NELL1: variants seen among roughly 807,000 people sequenced by gnomAD.
NELL1 encodes the protein protein kinase C-binding protein NELL1.
Under a neutral mutation model 107.4 loss-of-function variants are expected in NELL1, and 76 were observed. The observed-to-expected ratio is 0.71, with a 90% confidence interval of 0.59 to 0.86. NELL1 has a LOEUF of 0.86. Ranked by LOEUF, NELL1 falls within the 40% of genes least tolerant of loss-of-function variation. The probability of loss-of-function intolerance (pLI) is 0.00; values close to 1 mark genes in which losing one functional copy is unlikely to be tolerated. For missense variants in NELL1, 1,024 were observed against 1,005.5 expected, an observed-to-expected ratio of 1.02 and a Z score of -0.25; for synonymous variants, 353 against 341.2, an observed-to-expected ratio of 1.03 and a Z score of -0.38.
At chr11:21,508,343 C>T (rs1410239553) in intron 15 of NELL1, among the ~76,000 whole-genome samples, 1 of 151,504 alleles carries the variant, frequency 6.6e-6, no homozygotes, top group Non-Finnish European at 1.5e-5. Context: ...AGATACACAA[C>T]AATTAAATTT....
At chr11:21,425,544 A>G (rs1852799148) in intron 15 of NELL1, among the ~76,000 whole-genome samples, 1 of 152,274 alleles carries the variant, frequency 6.6e-6, no homozygotes, top group Non-Finnish European at 1.5e-5. Context: ...ACAGAAGCAA[A>G]GGTCTGAGTG....
intron 12 of NELL1, among the ~76,000 whole-genome samples, chr11:21,008,371 A>G (rs1370713931): frequency 6.6e-6 from 1 of 152,152 alleles, no homozygotes. Context: ...TTATTTATTG[A>G]CTAAAATATC....
At chr11:21,513,446 G>C (rs967932155) in intron 15 of NELL1, among the ~76,000 whole-genome samples, 1 of 151,992 alleles carries the variant, frequency 6.6e-6, no homozygotes, top group African/African-American at 2.4e-5. Context: ...AAATACTTTT[G>C]CCAGACTATA....
At chr11:21,300,685 A>G (rs1293195504) in intron 14 of NELL1, among the ~76,000 whole-genome samples, 1 of 152,042 alleles carries the variant, frequency 6.6e-6, no homozygotes, top group Non-Finnish European at 1.5e-5. Flanking sequence ...TAATGACACA[A>G]TGCAGTTCAG....
chr11:21,387,376 C>G lies in NELL1; in HGVS notation c.1645+16428C>G, dbSNP rs142824174. Among the ~76,000 whole-genome samples the G allele has an allele frequency of 4.8e-3, 732 of 151,910 alleles. 7 individuals are homozygous for G. The highest frequency in any genetic ancestry group is 0.017 in the Middle Eastern group (5 of 294). ...CTCTTCCTCCCACTTGATGGTCACC[C>G]ACCATGAATGCAGAGATTTTTTTGT... is the stretch of plus-strand genomic sequence containing the variant. On this transcript the variant is annotated intron_variant, in intron 15 of 19. Coordinates refer to ENST00000357134, the MANE Select transcript of NELL1 (RefSeq NM_006157.5).
intron 12 of NELL1, among the ~76,000 whole-genome samples, chr11:21,043,760 G>A (rs1379715229): frequency 2.0e-5 from 3 of 152,120 alleles, no homozygotes; most frequent in Admixed American, 6.6e-5. Context: ...TATATTTATT[G>A]AAGTTAAATG....
chr11:21,059,343 G>T (rs1250672370), intron 12 of NELL1, among the ~76,000 whole-genome samples: 4 of 150,510 alleles, frequency 2.7e-5, no homozygotes, highest in African/African-American at 4.9e-5. Flanking sequence ...AACATTTGCT[G>T]CCTTTGCTGA....
chr11:21,043,560 A>G (rs1310681943), intron 12 of NELL1, among the ~76,000 whole-genome samples: 1 of 152,108 alleles, frequency 6.6e-6, no homozygotes, highest in Non-Finnish European at 1.5e-5. Flanking sequence ...GTAAGAGTTT[A>G]CTAGTAAAGG....
intron 12 of NELL1, among the ~76,000 whole-genome samples, chr11:21,110,650 T>A (rs113276273): frequency 6.6e-6 from 1 of 152,152 alleles, no homozygotes; most frequent in African/African-American, 2.4e-5. Flanking sequence ...CTGTGGCCCA[T>A]GGGCTGAAGA....
At chr11:21,353,782 TA>T (rs1403539276) in intron 14 of NELL1, among the ~76,000 whole-genome samples, 2 of 152,210 alleles carry the variant, frequency 1.3e-5, no homozygotes, top group Non-Finnish European at 2.9e-5. Flanking sequence ...AAATGATAAT[TA>T]ATAATTCTAA....
chr11:20,981,982 T>TC lies in NELL1; in HGVS notation c.1300+21422_1300+21423insC, dbSNP rs1851760652. ...TCTCTCTCTCTCTCTCTCTCTCTCT[T>TC]TCTCTCTCTTTCTCCTTCTGACTTT... On this transcript the variant is annotated intron_variant, in intron 12 of 19. Transcript: ENST00000357134. 8.7e-4 allele frequency among the ~76,000 whole-genome samples: 109 copies of TC among 125,356 alleles called. 1 individual carries two copies. The highest frequency in any genetic ancestry group is 3.4e-3 in the African/African-American group (107 of 31,706). 82.2% of individuals were successfully genotyped at this position (125,356 alleles called of 152,430 possible).
intron 2 of NELL1, among the ~76,000 whole-genome samples, chr11:20,741,280 G>T (rs752236034): frequency 6.6e-6 from 1 of 151,928 alleles, no homozygotes; most frequent in Non-Finnish European, 1.5e-5. Flanking sequence ...CTTAATCCAC[G>T]TCCCAAATAC....
At chr11:21,432,905 A>G (rs949438133) in intron 15 of NELL1, among the ~76,000 whole-genome samples, 10 of 152,152 alleles carry the variant, frequency 6.6e-5, no homozygotes, top group African/African-American at 2.4e-4. Context: ...AATATACACT[A>G]AATGATTGCT....
chr11:21,293,008 T>C (rs928067693), intron 14 of NELL1, among the ~76,000 whole-genome samples: 2 of 152,164 alleles, frequency 1.3e-5, no homozygotes, highest in African/African-American at 4.8e-5. Flanking sequence ...ATTCAGGACA[T>C]AGGCATGGGC....
intron 2 of NELL1, among the ~76,000 whole-genome samples, chr11:20,772,874 A>G (rs76351846): frequency 0.016 from 2,422 of 152,300 alleles, 60 homozygotes; most frequent in African/African-American, 0.054. Context: ...AACTTTTTGT[A>G]TCTCATCTGT....
chr11:21,244,489 A>G (rs1565128028), intron 14 of NELL1, among the ~76,000 whole-genome samples: 1 of 152,186 alleles, frequency 6.6e-6, no homozygotes, highest in Admixed American at 6.5e-5. Context: ...TAAAATCTCA[A>G]TGTAGACCAA....
At chr11:20,836,286 AC>A (rs1429335336) in intron 3 of NELL1, among the ~76,000 whole-genome samples, 1 of 147,640 alleles carries the variant, frequency 6.8e-6, no homozygotes, top group East Asian at 2.0e-4. Flanking sequence ...AAAAAAAAAA[AC>A]CCCAACAATA....
intron 13 of NELL1, among the ~76,000 whole-genome samples, chr11:21,204,013 C>T (rs1437787588): frequency 6.6e-6 from 1 of 152,090 alleles, no homozygotes; most frequent in Non-Finnish European, 1.5e-5. Context: ...TTGTGGGTAA[C>T]CCGACCTTAC....
At chr11:21,245,845 G>C (rs1424710409) in intron 14 of NELL1, among the ~76,000 whole-genome samples, 1 of 152,076 alleles carries the variant, frequency 6.6e-6, no homozygotes, top group Non-Finnish European at 1.5e-5. Flanking sequence ...AGGTATTTAT[G>C]TTATGAAGGG....
Sources: gnomAD v4.1 joint callset for allele counts (sites outside exome capture counted in the v4.1 genomes callset) on GRCh38, gnomAD v4.1.1 for gene constraint, MANE v1.5 for transcripts, NCBI Gene and HGNC (gene_info 2026-07-23, HGNC 2026-07-21) for gene names.